CCDC126: variants seen among roughly 807,000 people sequenced by gnomAD.
CCDC126 encodes coiled-coil domain-containing protein 126.
In CCDC126, 5 loss-of-function variants were observed where a neutral mutation model predicts 11.7. The ratio of observed to expected loss-of-function variants is 0.43; its 90% CI spans 0.22 to 0.90. The LOEUF (loss-of-function observed/expected upper bound fraction) is 0.90. Ranked by LOEUF, CCDC126 falls within the 40% of genes least tolerant of loss-of-function variation. CCDC126 has a pLI of 0.27. For synonymous variants in CCDC126, 60 were observed against 61.9 expected (o/e 0.97, Z 0.14); for missense variants, 150 against 163.1 (o/e 0.92, Z 0.44).
chr7:23,621,297 C>T (rs1176239058), intron 3 of CCDC126, among the ~76,000 whole-genome samples: 1 of 152,072 alleles, frequency 6.6e-6, no homozygotes, highest in Non-Finnish European at 1.5e-5. Flanking sequence ...TCCTTCACAT[C>T]CCTTGTAAGT....
chr7:23,623,954 C>T (rs896843743), intron 3 of CCDC126, among the ~76,000 whole-genome samples: 1 of 152,130 alleles, frequency 6.6e-6, no homozygotes, highest in Non-Finnish European at 1.5e-5. Flanking sequence ...TGCACCTAGT[C>T]CTTCTAGGTT....
intron 3 of CCDC126, among the ~76,000 whole-genome samples, chr7:23,636,811 G>C (rs1330281150): frequency 7.6e-6 from 1 of 131,368 alleles, no homozygotes; most frequent in Non-Finnish European, 1.7e-5. Flanking sequence ...CGCCCCGTCC[G>C]GGAGGTGAGG....
chr7:23,603,073 C>G (rs1782568642), intron 2 of CCDC126, among the ~76,000 whole-genome samples: 1 of 152,106 alleles, frequency 6.6e-6, no homozygotes, highest in Admixed American at 6.5e-5. Flanking sequence ...TTATGCACTG[C>G]CCCCCACCCT....
rs143919822 is a variant in CCDC126, at chr7:23,599,112, C to G, written c.-146+1061C>G. On this transcript the variant is annotated intron_variant, in intron 2 of 3. Transcript: ENST00000307471. ...CAAGAAAGCTGCCAGAAATAAGAAT[C>G]TCTACCAGCCAGTTATCACTCTCTC... Among the ~76,000 whole-genome samples, 45 of 152,300 alleles carry G rather than the reference C, an allele frequency of 3.0e-4. 2 individuals carry two copies. The East Asian group carries it at 7.1e-3, about 24-fold the overall frequency.
At chr7:23,614,806 G>A (rs915580996) in intron 3 of CCDC126, among the ~76,000 whole-genome samples, 2 of 152,210 alleles carry the variant, frequency 1.3e-5, no homozygotes, top group Non-Finnish European at 2.9e-5. Context: ...TTTCTGAACA[G>A]TGGGTCTCAA....
At chr7:23,617,997 G>A (rs1421456209) in intron 3 of CCDC126, among the ~76,000 whole-genome samples, 1 of 152,144 alleles carries the variant, frequency 6.6e-6, no homozygotes, top group Middle Eastern at 3.2e-3. Flanking sequence ...TACAGTTTTA[G>A]TGTAGAAGAA....
chr7:23,620,354 G>A (rs956193171), intron 3 of CCDC126, among the ~76,000 whole-genome samples: 7 of 152,360 alleles, frequency 4.6e-5, no homozygotes, highest in African/African-American at 1.7e-4. Context: ...ATTTTTTCAT[G>A]TGTCTGTTGG....
chr7:23,620,183 T>G lies in CCDC126; in HGVS notation c.238+8630T>G, dbSNP rs1250553924. 4.6e-5 allele frequency among the ~76,000 whole-genome samples: 7 copies of G among 152,194 alleles called. No homozygotes were observed. The East Asian group carries it at 1.3e-3, about 29-fold the overall frequency. Reference sequence around the variant, plus strand: ...CTGCCTTCCACAATGGTTGAACTAGTTTACAGTCCCACCAACAGTGTAAAA... The same window carrying G: ...CTGCCTTCCACAATGGTTGAACTAGGTTACAGTCCCACCAACAGTGTAAAA... On this transcript the variant is annotated intron_variant, in intron 3 of 3. Coordinates refer to ENST00000307471, the MANE Select transcript of CCDC126 (RefSeq NM_138771.4).
rs537677508 is a variant in CCDC126 at position 23,607,538 on chromosome 7, A to G, written c.-145-3633A>G. On this transcript the variant is annotated intron_variant, in intron 2 of 3. Transcript: ENST00000307471. The stretch of plus-strand genomic sequence containing the variant: ...ATTTTCCTTTCTAATCACTAAATTA[A>G]AAGTACATAAGTAAATACCTTCAGT... Among the ~76,000 whole-genome samples, 3 of 152,338 alleles carry G rather than the reference A, an allele frequency of 2.0e-5. No homozygotes were observed. In the East Asian group the frequency reaches 5.8e-4, roughly 29 times the overall value.
intron 3 of CCDC126, among the ~76,000 whole-genome samples, chr7:23,637,007 G>A (rs1783239879): frequency 1.6e-5 from 1 of 62,650 alleles, no homozygotes; most frequent in Non-Finnish European, 3.2e-5. Flanking sequence ...CCGGCCAGCC[G>A]CCCCGTCCGG....
At chr7:23,610,395 A>G (rs1260636812) in intron 2 of CCDC126, among the ~76,000 whole-genome samples, 2 of 152,006 alleles carry the variant, frequency 1.3e-5, no homozygotes, top group African/African-American at 2.4e-5. Context: ...AAATTTTTGT[A>G]TAGAGATGAG....
chr7:23,610,911 A>G (rs778821111), intron 2 of CCDC126, among the ~76,000 whole-genome samples: 3 of 152,132 alleles, frequency 2.0e-5, no homozygotes, highest in Admixed American at 1.3e-4. Flanking sequence ...TACAAATGAG[A>G]AACAATTTGA....
At chr7:23,626,607 G>A (rs957667756) in intron 3 of CCDC126, among the ~76,000 whole-genome samples, 1 of 151,946 alleles carries the variant, frequency 6.6e-6, no homozygotes, top group Non-Finnish European at 1.5e-5. Context: ...TATCATCCAG[G>A]TACTGAGCTT....
chr7:23,605,441 GT>G, intron 2 of CCDC126, among the ~76,000 whole-genome samples: 1 of 116,696 alleles, frequency 8.6e-6, no homozygotes, highest in South Asian at 2.9e-4. Context: ...GTGTGTGTGT[GT>G]GGTAAAAAAA....
rs183181824 is a variant in CCDC126 at position 23,607,023 on chromosome 7, C to T, written c.-145-4148C>T. On this transcript the variant is annotated intron_variant, in intron 2 of 3. Transcript: ENST00000307471. ...CTAAGGTGGGAGGATTGCTTGAGCC[C>T]GGAAGGCCGAGGCTGCAGTGAGCTG... Among the ~76,000 whole-genome samples, 10 of 152,140 alleles carry T rather than the reference C, an allele frequency of 6.6e-5. No individual in the cohort carries two copies. The East Asian group carries it at 9.7e-4, about 15-fold the overall frequency.
chr7:23,610,856 A>G (rs190906341), intron 2 of CCDC126, among the ~76,000 whole-genome samples: 17 of 152,188 alleles, frequency 1.1e-4, no homozygotes, highest in East Asian at 1.9e-4. Context: ...ATTTGAATAG[A>G]CTGAGATCTC....
In CCDC126 at chr7:23,643,191, C is replaced by T. The variant is rs879900285; in HGVS notation, c.*76C>T. 37 of 1,297,018 alleles carry T rather than the reference C, an allele frequency of 2.9e-5. No homozygotes were observed. The highest frequency in any genetic ancestry group is 3.8e-5 in the Non-Finnish European group (35 of 932,878). The allele number at this position is 1,297,018 out of a possible 1,614,324, so 80.3% of individuals were successfully genotyped here. On this transcript the variant is annotated 3_prime_UTR_variant, in exon 4 of 4. Transcript: ENST00000307471. ...GGCAGAAAAGCTTTATAATTGCTGG[C>T]TTAGGACAGAGCAATACTTTACAAT...
At chr7:23,639,273 C>G (rs1014152598) in intron 3 of CCDC126, among the ~76,000 whole-genome samples, 1 of 150,344 alleles carries the variant, frequency 6.7e-6, no homozygotes, top group Admixed American at 6.6e-5. Flanking sequence ...CTCACTGCAA[C>G]TTCTACCTCC....
At chr7:23,599,053 A>G (rs892282225) in intron 2 of CCDC126, among the ~76,000 whole-genome samples, 20 of 152,164 alleles carry the variant, frequency 1.3e-4, no homozygotes, top group African/African-American at 3.1e-4. Flanking sequence ...AATTCTTTCA[A>G]ACTACCTTGA....
Sources: gnomAD v4.1 joint callset for allele counts (sites outside exome capture counted in the v4.1 genomes callset) on GRCh38, gnomAD v4.1.1 for gene constraint, MANE v1.5 for transcripts, NCBI Gene and HGNC (gene_info 2026-07-23, HGNC 2026-07-21) for gene names.